The following WLS variants were observed in gnomAD, a reference collection of about 807,000 sequenced individuals.
WLS encodes the protein Wnt ligand secretion mediator, also known as protein wntless homolog.
In WLS, 23 loss-of-function variants were observed where a neutral mutation model predicts 62.8. The observed-to-expected ratio is 0.37, with a 90% CI of 0.26 to 0.52. The LOEUF (loss-of-function observed/expected upper bound fraction) is 0.52, where lower values mean the gene tolerates loss of function less well. Among genes scored for constraint, WLS ranks in the 20% least tolerant of loss-of-function variants. WLS has a pLI of 0.92. For synonymous variants in WLS, 246 were observed against 244.1 expected (o/e 1.01, Z -0.07); for missense variants, 615 against 697.3 (o/e 0.88, Z 1.33).
In WLS at chr1:68,193,985, C is replaced by T. The variant is rs772843643; in HGVS notation, c.349G>A (p.Asp117Asn). ...TGGTTGTTTAGCTTGAAGGCAATGTCCAGCTGCAGGATAAACAGCATGAAT... is the reference window on the plus strand; with the variant it reads ...TGGTTGTTTAGCTTGAAGGCAATGTTCAGCTGCAGGATAAACAGCATGAAT... ...FQFMLFILQL[D>N]IAFKLNNQIR... Residue 117 changes from aspartate to asparagine, a missense_variant, in exon 2 of 12, where the codon GAC (aspartate) becomes AAC (asparagine). By Grantham distance (23) the Asp-to-Asn change is conservative (BLOSUM62 1). Transcript: ENST00000262348. The T allele has an allele frequency of 2.5e-6, 4 of 1,613,966 alleles. No individual in the cohort carries two copies. Among genetic ancestry groups the T allele is most frequent in the Non-Finnish European group, 3.4e-6 (4 of 1,179,986 alleles).
chr1:68,170,916 A>G (rs1366930067), intron 2 of WLS, among the ~76,000 whole-genome samples: 1 of 152,218 alleles, frequency 6.6e-6, no homozygotes, highest in Non-Finnish European at 1.5e-5. Context: ...TATTCATTGA[A>G]TATTTACCAA....
chr1:68,198,332 C>A (rs1648793212), intron 1 of WLS, among the ~76,000 whole-genome samples: 3 of 152,146 alleles, frequency 2.0e-5, no homozygotes, highest in Non-Finnish European at 4.4e-5. Flanking sequence ...ATTATGAATT[C>A]AGTTCTTTTT....
chr1:68,212,008 A>C (rs1430152588), intron 1 of WLS, among the ~76,000 whole-genome samples: 1 of 152,214 alleles, frequency 6.6e-6, no homozygotes, highest in Non-Finnish European at 1.5e-5. Context: ...ATTACAAAGG[A>C]GGCATGATTA....
intron 2 of WLS, chr1:68,162,819 G>A (rs1234113358): frequency 8.0e-7 from 1 of 1,251,770 alleles, no homozygotes; most frequent in African/African-American, 1.5e-5. Context: ...ACTTTTCTAG[G>A]TCCTCCCTGG....
At chr1:68,145,435 G>T (rs1646739493) in intron 9 of WLS, among the ~76,000 whole-genome samples, 1 of 152,098 alleles carries the variant, frequency 6.6e-6, no homozygotes, top group African/African-American at 2.4e-5. Flanking sequence ...TATTTTAGGG[G>T]AATGTGGCCT....
At chr1:68,102,413 G>A (rs1646091438) in intron 11 of WLS, among the ~76,000 whole-genome samples, 1 of 152,252 alleles carries the variant, frequency 6.6e-6, no homozygotes, top group East Asian at 1.9e-4. Context: ...CCTGGGATCT[G>A]GAGGTTGATG....
intron 11 of WLS, among the ~76,000 whole-genome samples, chr1:68,113,935 C>T (rs1013215271): frequency 1.3e-5 from 2 of 152,140 alleles, no homozygotes; most frequent in Non-Finnish European, 2.9e-5. Flanking sequence ...ACTGAGATCT[C>T]CTCAGAAAGA....
chr1:68,202,602 C>G (rs1455288304), intron 1 of WLS: 1 of 152,164 alleles, frequency 6.6e-6, no homozygotes, highest in South Asian at 2.1e-4. Context: ...AGTGGCTCAT[C>G]TGTTGACGCT....
At chr1:68,189,418 T>C (rs1648163365) in intron 2 of WLS, among the ~76,000 whole-genome samples, 1 of 152,250 alleles carries the variant, frequency 6.6e-6, no homozygotes, top group Admixed American at 6.5e-5. Flanking sequence ...TTTTCTTTCA[T>C]TATTAATTAT....
chr1:68,208,454 C>T (rs1221592989), intron 1 of WLS, among the ~76,000 whole-genome samples: 4 of 151,988 alleles, frequency 2.6e-5, no homozygotes, highest in African/African-American at 9.7e-5. Flanking sequence ...GGCTTGAGCT[C>T]GGCAGGGAGA....
intron 3 of WLS, among the ~76,000 whole-genome samples, chr1:68,157,934 G>T (rs564101834): frequency 7.9e-5 from 12 of 152,320 alleles, no homozygotes; most frequent in African/African-American, 2.9e-4. Flanking sequence ...CAGTCAACTT[G>T]CAGAGATAGC....
intron 11 of WLS, among the ~76,000 whole-genome samples, chr1:68,132,565 G>A (rs994125311): frequency 3.9e-5 from 6 of 152,312 alleles, no homozygotes; most frequent in African/African-American, 1.4e-4. Context: ...ACATCACACT[G>A]TAGCTAGCTG....
intron 1 of WLS, among the ~76,000 whole-genome samples, chr1:68,220,993 G>A (rs1310025525): frequency 6.6e-6 from 1 of 152,190 alleles, no homozygotes; most frequent in South Asian, 2.1e-4. Flanking sequence ...GGGAGGGAAG[G>A]AAGGTATTGG....
At chr1:68,175,202 A>G (rs1332994544) in intron 2 of WLS, among the ~76,000 whole-genome samples, 2 of 152,250 alleles carry the variant, frequency 1.3e-5, no homozygotes, top group Non-Finnish European at 2.9e-5. Flanking sequence ...AAAAGAAATA[A>G]AACAATGATT....
chr1:68,178,203 C>T (rs1419954257), intron 2 of WLS, among the ~76,000 whole-genome samples: 1 of 152,186 alleles, frequency 6.6e-6, no homozygotes, highest in Non-Finnish European at 1.5e-5. Context: ...TTTCCTTTTC[C>T]GTGAGTTAAT....
At chr1:68,208,710 T>C (rs111938870) in intron 1 of WLS, among the ~76,000 whole-genome samples, 2 of 152,160 alleles carry the variant, frequency 1.3e-5, no homozygotes, top group African/African-American at 4.8e-5. Context: ...ATGTCTTCCA[T>C]AGAGGCAACA....
intron 1 of WLS, chr1:68,202,630 T>C (rs551922553): frequency 1.7e-4 from 26 of 152,242 alleles, no homozygotes; most frequent in Admixed American, 3.3e-4. Context: ...ATTGCTCGGC[T>C]GGCCAGTCAT....
At chr1:68,105,755 G>A (rs1646135025) in intron 11 of WLS, among the ~76,000 whole-genome samples, 1 of 152,154 alleles carries the variant, frequency 6.6e-6, no homozygotes, top group Non-Finnish European at 1.5e-5. Context: ...GAACCTGCCT[G>A]AACTGCTAGA....
rs759340811 is a variant in WLS, at chr1:68,232,348, T to C, written c.-49A>G. On this transcript the variant is annotated 5_prime_UTR_variant, in exon 1 of 12. Transcript: ENST00000262348. ...TCTCCTTGAAATAAATGTTTTAGGG[T>C]GAGCTTTTTGCTCCCTCCTCTCACA... 4 of 1,592,326 alleles carry C rather than the reference T, an allele frequency of 2.5e-6. No individual in the cohort carries two copies. The highest frequency in any genetic ancestry group is 3.4e-6 in the Non-Finnish European group (4 of 1,168,650).
Sources: gnomAD v4.1 joint callset for allele counts (sites outside exome capture counted in the v4.1 genomes callset) on GRCh38, gnomAD v4.1.1 for gene constraint, MANE v1.5 for transcripts, NCBI Gene and HGNC (gene_info 2026-07-23, HGNC 2026-07-21) for gene names.